DLG5: variants seen among roughly 807,000 people sequenced by gnomAD.
DLG5 encodes the protein discs large MAGUK scaffold protein 5.
A neutral mutation model predicts 189.8 loss-of-function variants in DLG5; 48 were observed. The ratio of observed to expected loss-of-function variants is 0.25; its 90% CI spans 0.20 to 0.32. The LOEUF (loss-of-function observed/expected upper bound fraction) is 0.32. Among genes scored for constraint, DLG5 ranks in the 10% least tolerant of loss-of-function variants. The pLI, the probability that DLG5 is intolerant of heterozygous loss-of-function variation, is 1.00. For missense variants in DLG5, 2,160 were observed against 2,544.7 expected, an observed-to-expected ratio of 0.85 and a Z score of 3.25; for synonymous variants, 1,016 against 1,054.1, an observed-to-expected ratio of 0.96 and a Z score of 0.70.
chr10:77,816,582 G>A lies in DLG5; in HGVS notation c.3994C>T (p.Pro1332Ser), dbSNP rs146439848. 3.1e-6 allele frequency: 5 copies of A among 1,614,176 alleles called. No individual in the cohort carries two copies. The highest frequency in any genetic ancestry group is 4.2e-6 in the Non-Finnish European group (5 of 1,180,020). The change falls in exon 20 of 32, where the codon CCC becomes TCC. Residue 1332 changes from proline (P) to serine (S), a missense_variant. Transcript: ENST00000372391. ...ASTLPRIAVN[P>S]ASLGERRKDR... ...TTTCTCCGCTCCCCGAGGGACGCGG[G>A]GTTGACAGCGATTCTGGGCAATGTG...
At chr10:77,815,603 G>A (rs1182226576) in intron 20 of DLG5, among the ~76,000 whole-genome samples, 1 of 152,164 alleles carries the variant, frequency 6.6e-6, no homozygotes, top group Admixed American at 6.5e-5. Context: ...AGAGATTGCA[G>A]TGAGCCAAGA....
chr10:77,890,070 C>T (rs537644110), intron 1 of DLG5, among the ~76,000 whole-genome samples: 1 of 151,986 alleles, frequency 6.6e-6, no homozygotes, highest in South Asian at 2.1e-4. Flanking sequence ...CAGGGAAGAA[C>T]CAAGAGTTGC....
chr10:77,831,052 G>C (rs943068687), intron 9 of DLG5, among the ~76,000 whole-genome samples, 179 bp from the exon 10 acceptor site: 6 of 152,166 alleles, frequency 3.9e-5, no homozygotes, highest in East Asian at 1.9e-4. Context: ...AGTTTTCACA[G>C]TGGTTTTTTA....
chr10:77,845,024 C>T (rs1159911418), intron 5 of DLG5, among the ~76,000 whole-genome samples: 1 of 152,140 alleles, frequency 6.6e-6, no homozygotes, highest in Admixed American at 6.5e-5. Context: ...TGGCCATGGC[C>T]GCAGGCCTCA....
At chr10:77,833,669 T>C (rs980664049) in intron 9 of DLG5, among the ~76,000 whole-genome samples, 9 of 152,244 alleles carry the variant, frequency 5.9e-5, no homozygotes, top group African/African-American at 1.9e-4. Flanking sequence ...TGGCACATGG[T>C]GCCTGCCCTG....
At chr10:77,812,461 T>G in intron 20 of DLG5, 84 bp from the exon 21 acceptor site, 1 of 1,503,308 alleles carries the variant, frequency 6.7e-7, no homozygotes, top group South Asian at 1.2e-5. Flanking sequence ...AGGCATATGA[T>G]CTGACAGTGC....
In DLG5 at chr10:77,794,833, G is replaced by A. The variant is rs781398871; in HGVS notation, c.5546+16C>T. The A allele has an allele frequency of 1.9e-6, 3 of 1,610,118 alleles. No individual in the cohort carries two copies. The highest frequency in any genetic ancestry group is 2.2e-5 in the East Asian group (1 of 44,864). On this transcript the variant is annotated intron_variant, in intron 30 of 31. Coordinates refer to ENST00000372391, the MANE Select transcript of DLG5 (RefSeq NM_004747.4). ...GTGACAAGGCCCCAGCGGAGCCCAG[G>A]GGGCCAGTTACCTACTTGATGTGCT... is the stretch of plus-strand genomic sequence containing the variant.
Position 77,806,827 on chromosome 10 carries a change from G to A in DLG5, c.4898C>T (p.Ser1633Phe), listed in dbSNP as rs765292994. 6.2e-7 allele frequency: 1 copy of A among 1,614,066 alleles called. No homozygotes were observed. Among genetic ancestry groups the A allele is most frequent in the South Asian group, 1.1e-5 (1 of 91,082 alleles). ...CTCGTCCAGCTGCCAAGCCATCCAG[G>A]ACCCGAACGTGCCCTGGGGTAAGGT... ...DDTLPQGTFGSWMAWQLDENA... is the reference protein window; with the variant it reads ...DDTLPQGTFGFWMAWQLDENA... The change falls in exon 26 of 32, where the codon TCC (serine) becomes TTC (phenylalanine). Residue 1633 changes from serine to phenylalanine, a missense_variant. By Grantham distance (155) the Ser-to-Phe change is radical. Coordinates refer to ENST00000372391, the MANE Select transcript of DLG5 (RefSeq NM_004747.4).
chr10:77,887,002 T>A (rs1042387975), intron 1 of DLG5, among the ~76,000 whole-genome samples: 4 of 152,210 alleles, frequency 2.6e-5, no homozygotes, highest in Admixed American at 2.0e-4. Context: ...TCCATGTCTG[T>A]TGTTTAAGCT....
chr10:77,850,971 G>A (rs962458402), intron 5 of DLG5, among the ~76,000 whole-genome samples: 2 of 152,246 alleles, frequency 1.3e-5, no homozygotes, highest in African/African-American at 2.4e-5. Context: ...GGTTACCTGA[G>A]CCAAGCGTAG....
intron 27 of DLG5, among the ~76,000 whole-genome samples, chr10:77,801,537 G>A (rs936713926): frequency 2.6e-5 from 4 of 152,276 alleles, no homozygotes; most frequent in East Asian, 1.9e-4. Flanking sequence ...AAGAAACTGC[G>A]GCCAGGAATC....
At chr10:77,848,421 G>C (rs143042012) in intron 5 of DLG5, among the ~76,000 whole-genome samples, 55 of 152,128 alleles carry the variant, frequency 3.6e-4, no homozygotes, top group African/African-American at 9.9e-4. Flanking sequence ...AAGACTCTCG[G>C]GGCCTGAGAG....
chr10:77,805,904 T>A, intron 26 of DLG5, 43 bp from the exon 27 acceptor site: 1 of 1,556,162 alleles, frequency 6.4e-7, no homozygotes. Context: ...ATCGAGACCC[T>A]GCTGCCCTGC....
At chr10:77,911,258 A>G (rs1846212655) in intron 1 of DLG5, among the ~76,000 whole-genome samples, 1 of 151,948 alleles carries the variant, frequency 6.6e-6, no homozygotes, top group Non-Finnish European at 1.5e-5. Context: ...CTCCCAAGCA[A>G]CTGGGACCAC....
intron 1 of DLG5, among the ~76,000 whole-genome samples, chr10:77,905,724 C>G (rs1846053799): frequency 6.6e-6 from 1 of 152,206 alleles, no homozygotes; most frequent in Non-Finnish European, 1.5e-5. Flanking sequence ...ACCCTCCCCT[C>G]AAAGACAGCA....
At chr10:77,826,909 T>C (rs1193238294) in intron 13 of DLG5, among the ~76,000 whole-genome samples, 1 of 149,940 alleles carries the variant, frequency 6.7e-6, no homozygotes, top group African/African-American at 2.5e-5. Context: ...GATCACACCA[T>C]TGTACTCCAG....
At chr10:77,928,646 A>C (rs1346820824), upstream of DLG5, 1 of 152,280 alleles carries the variant, frequency 6.6e-6, no homozygotes, top group African/African-American at 2.4e-5. Flanking sequence ...AGCTGGATTA[A>C]CTAGAAAGCT....
Position 77,796,455 on chromosome 10 carries a change from G to C in DLG5, c.5304C>G (p.Pro1768=). ...NEAPGKFCRC[P]LEVMKASQQA... ...AGGGTGCCCCGTGCCCCTTACCAAGGGGACATCTGCAGAACTTGCCAGGAG... is the reference window on the plus strand; with the variant it reads ...AGGGTGCCCCGTGCCCCTTACCAAGCGGACATCTGCAGAACTTGCCAGGAG... Residue 1768 remains proline, a synonymous_variant, in exon 28 of 32, where the codon CCC becomes CCG. Coordinates refer to ENST00000372391, the MANE Select transcript of DLG5 (RefSeq NM_004747.4). This position sits in a 1 kb window ranked among gnomAD's most constrained non-coding sequence, Gnocchi z 5.2. 1.2e-6 allele frequency: 2 copies of C among 1,614,184 alleles called. No individual in the cohort carries two copies. The highest frequency in any genetic ancestry group is 2.7e-5 in the African/African-American group (2 of 75,034).
chr10:77,827,198 A>G (rs1358498749), intron 13 of DLG5, among the ~76,000 whole-genome samples: 1 of 152,136 alleles, frequency 6.6e-6, no homozygotes, highest in Non-Finnish European at 1.5e-5. Context: ...TATGTATGCC[A>G]TGAAAAAGTG....
Sources: gnomAD v4.1 joint callset for allele counts (sites outside exome capture counted in the v4.1 genomes callset) on GRCh38, gnomAD v4.1.1 for gene constraint, Gnocchi (gnomAD v3.1) non-coding constraint, MANE v1.5 for transcripts, NCBI Gene and HGNC (gene_info 2026-07-23, HGNC 2026-07-21) for gene names.